Variants in CACNB3 observed in about 807,000 individuals in gnomAD.
CACNB3 encodes calcium voltage-gated channel auxiliary subunit beta 3.
A neutral mutation model predicts 63.7 loss-of-function variants in CACNB3; 36 were observed. The observed-to-expected ratio is 0.57, with a 90% CI of 0.43 to 0.75. CACNB3 has a LOEUF of 0.75. CACNB3 is among the 30% of genes least tolerant of loss of function. The probability of loss-of-function intolerance (pLI) is 0.00; values close to 1 mark genes in which losing one functional copy is unlikely to be tolerated. For missense variants in CACNB3, 493 were observed against 648.6 expected (o/e 0.76, Z 2.61); for synonymous variants, 241 against 250.6 (o/e 0.96, Z 0.36).
At chr12:48,827,534 G>A (rs1938212839) in intron 12 of CACNB3, 51 bp from the exon 13 acceptor site, 1 of 1,498,762 alleles carries the variant, frequency 6.7e-7, no homozygotes, top group Non-Finnish European at 9.2e-7. Flanking sequence ...CTCACCAGAA[G>A]ACAAGGTGAG....
At chr12:48,816,182 C>G (rs1293184178), upstream of CACNB3, among the ~76,000 whole-genome samples, 2 of 152,204 alleles carry the variant, frequency 1.3e-5, no homozygotes, top group African/African-American at 4.8e-5. Flanking sequence ...GGGATCTGCC[C>G]AGCTTCCTGG....
Position 48,826,287 on chromosome 12 carries a change from C to A in CACNB3, c.743-80C>A. ...TTTCCTCCAATTCCTTCCTGTCCAC[C>A]ATTCGGGAGCCCTCAAAGCCTGCTG... On this transcript the variant is annotated intron_variant, in intron 9 of 12. Coordinates refer to ENST00000301050, the MANE Select transcript of CACNB3 (RefSeq NM_000725.4). The surrounding 1 kb of genome is among the most constrained non-coding windows in gnomAD (Gnocchi z 4.8). 1 of 1,432,714 alleles carries A rather than the reference C, an allele frequency of 7.0e-7. No homozygotes were observed. Among genetic ancestry groups the A allele is most frequent in the South Asian group, 1.2e-5 (1 of 85,476 alleles). 88.8% of individuals were successfully genotyped at this position (1,432,714 alleles called of 1,614,324 possible).
rs1937966305 is a variant in CACNB3 at position 48,823,541 on chromosome 12, G to T, written c.168+75G>T. On this transcript the variant is annotated intron_variant, in intron 2 of 12. Coordinates refer to ENST00000301050, the MANE Select transcript of CACNB3 (RefSeq NM_000725.4). This position sits in a 1 kb window ranked among gnomAD's most constrained non-coding sequence, Gnocchi z 4.2. ...CCTGCACTCGGTCCTAAGTCCCAAG[G>T]GGTCCTTGGGCAGGATGTCCTTGAG... 3.1e-6 allele frequency: 5 copies of T among 1,597,052 alleles called. No homozygotes were observed. The highest frequency in any genetic ancestry group is 1.7e-5 in the Admixed American group (1 of 58,728).
chr12:48,825,637 G>A lies in CACNB3; in HGVS notation c.633-23G>A. 6.2e-7 allele frequency: 1 copy of A among 1,600,462 alleles called. No individual in the cohort carries two copies. The highest frequency in any genetic ancestry group is 8.6e-7 in the Non-Finnish European group (1 of 1,167,586). ...TGAGGCACAGGTTTAGAAGCAAGCTGTGATTCTCCACTCCCACCCCAGGAT... is the reference window on the plus strand; with the variant it reads ...TGAGGCACAGGTTTAGAAGCAAGCTATGATTCTCCACTCCCACCCCAGGAT... On this transcript the variant is annotated intron_variant, in intron 8 of 12. Coordinates refer to ENST00000301050, the MANE Select transcript of CACNB3 (RefSeq NM_000725.4). The surrounding 1 kb of genome is among the most constrained non-coding windows in gnomAD (Gnocchi z 4.5).
upstream of CACNB3, chr12:48,814,802 G>T: frequency 5.1e-6 from 2 of 394,942 alleles, no homozygotes; most frequent in Non-Finnish European, 8.9e-6. This position sits in a 1 kb window ranked among gnomAD's most constrained non-coding sequence, Gnocchi z 6.9. Flanking sequence ...CCCCGGGACC[G>T]GACACCAGGC....
chr12:48,815,481 G>A, upstream of CACNB3: 1 of 1,283,258 alleles, frequency 7.8e-7, no homozygotes, highest in Non-Finnish European at 1.0e-6. Flanking sequence ...GAGGCGGCGA[G>A]AAAGGAAGGG....
intron 3 of CACNB3, 154 bp from the exon 4 acceptor site, chr12:48,824,104 C>CTGTCCTTTCCCCTGGCCCCT: frequency 1.4e-6 from 1 of 730,182 alleles, no homozygotes; most frequent in Non-Finnish European, 2.2e-6. Flanking sequence ...CCGAACTTGG[C>CTGTCCTTTCCCCTGGCCCCT]TGTCCTTTCC....
chr12:48,823,213 T>G lies in CACNB3; in HGVS notation c.46-131T>G. The G allele has an allele frequency of 8.4e-7, 1 of 1,192,248 alleles. No individual in the cohort carries two copies. The highest frequency in any genetic ancestry group is 1.2e-6 in the Non-Finnish European group (1 of 848,742). The allele number at this position is 1,192,248 out of a possible 1,614,324, so 73.9% of individuals were successfully genotyped here. ...CCTTCTCAGGGGATAGGAGGGGCCA[T>G]AGGGACCCAGCTATCCCCTTGGAGA... On this transcript the variant is annotated intron_variant, in intron 1 of 12. Transcript: ENST00000301050. This position sits in a 1 kb window ranked among gnomAD's most constrained non-coding sequence, Gnocchi z 4.2.
intron 12 of CACNB3, 25 bp from the exon 13 acceptor site, chr12:48,827,560 C>T: frequency 3.1e-6 from 5 of 1,603,592 alleles, no homozygotes; most frequent in Non-Finnish European, 4.3e-6. Flanking sequence ...TACTGCCTCA[C>T]TGAGAGCTGT....
chr12:48,815,797 C>A, upstream of CACNB3: 4 of 1,049,148 alleles, frequency 3.8e-6, no homozygotes, highest in Non-Finnish European at 4.3e-6. Flanking sequence ...AGCTCCGCTC[C>A]AAGCTAGGAA....
Position 48,828,925 on chromosome 12 carries a change from A to C in CACNB3, c.*1026A>C. The C allele has an allele frequency of 2.7e-6, 1 of 366,852 alleles. No individual in the cohort carries two copies. The highest frequency in any genetic ancestry group is 2.1e-5 in the African/African-American group (1 of 47,162). The allele number at this position is 366,852 out of a possible 1,614,324, so 22.7% of individuals were successfully genotyped here. On this transcript the variant is annotated 3_prime_UTR_variant, in exon 13 of 13. Transcript: ENST00000301050. ...GCCTCACCTCACTGTCATCACTAAT[A>C]AACATCATGCACAGTCCCTCCGGCT... is the stretch of plus-strand genomic sequence containing the variant.
rs961853594 is a variant in CACNB3 at position 48,818,773 on chromosome 12, C to T, written c.-157C>T. 6 of 1,345,964 alleles carry T rather than the reference C, an allele frequency of 4.5e-6. No homozygotes were observed. In the South Asian group the frequency reaches 9.4e-5, roughly 21 times the overall value. The allele number at this position is 1,345,964 out of a possible 1,614,324, so 83.4% of individuals were successfully genotyped here. A position where few individuals can be genotyped will look rare whatever the true frequency, so the allele number is the denominator to read the frequency against. On this transcript the variant is annotated 5_prime_UTR_variant, in exon 1 of 13. Coordinates refer to ENST00000301050, the MANE Select transcript of CACNB3 (RefSeq NM_000725.4). The surrounding 1 kb of genome is among the most constrained non-coding windows in gnomAD (Gnocchi z 4.3). The stretch of plus-strand genomic sequence containing the variant: ...CTGAGCTCCGAGCAGCTGGTCTTCG[C>T]GGCTCGCTCCCTCCTTCGCGCTCTC...
chr12:48,823,886 C>T lies in CACNB3; in HGVS notation c.291+83C>T, dbSNP rs1362472771. ...GATCCTAATGCTTCTGACTTGAATC[C>T]TCAGTCTAATTCCCCAAGCTAATCA... is the stretch of plus-strand genomic sequence containing the variant. On this transcript the variant is annotated intron_variant, in intron 3 of 12. Coordinates refer to ENST00000301050, the MANE Select transcript of CACNB3 (RefSeq NM_000725.4). This position sits in a 1 kb window ranked among gnomAD's most constrained non-coding sequence, Gnocchi z 4.2. 6.4e-7 allele frequency: 1 copy of T among 1,564,264 alleles called. No homozygotes were observed. The highest frequency in any genetic ancestry group is 1.7e-5 in the Admixed American group (1 of 57,906).
chr12:48,827,062 C>G lies in CACNB3; in HGVS notation c.1079C>G (p.Thr360Arg). 1 of 1,613,490 alleles carries G rather than the reference C, an allele frequency of 6.2e-7. No individual in the cohort carries two copies. Among genetic ancestry groups the G allele is most frequent in the Non-Finnish European group, 8.5e-7 (1 of 1,180,012 alleles). The change falls in exon 12 of 13, where the codon ACG becomes AGG. Residue 360 changes from threonine to arginine, a missense_variant. Thr to Arg is a moderately conservative substitution (Grantham distance 71). Transcript: ENST00000301050. ...TACCTGGAGGTTTACTGGCGGGCCA[C>G]GCACCACCCAGCCCCTGGCCCCGGA... ...AEYLEVYWRA[T>R]HHPAPGPGLL...
rs755620541 is a variant in CACNB3, at chr12:48,819,009, T to G, written c.45+35T>G. 30 of 1,589,420 alleles carry G rather than the reference T, an allele frequency of 1.9e-5. No individual in the cohort carries two copies. In the South Asian group the frequency reaches 2.6e-4, roughly 14 times the overall value. The stretch of plus-strand genomic sequence containing the variant: ...CACGATGAGGGTGGGGGCGGGGAAG[T>G]TGGGGTGACACCTCCTCTCCCTTCA... On this transcript the variant is annotated intron_variant, in intron 1 of 12. Coordinates refer to ENST00000301050, the MANE Select transcript of CACNB3 (RefSeq NM_000725.4).
rs919018777 is a variant in CACNB3, at chr12:48,826,070, C to T, written c.743-297C>T. Among the ~76,000 whole-genome samples the T allele has an allele frequency of 2.0e-5, 3 of 152,264 alleles. No homozygotes were observed. The highest frequency in any genetic ancestry group is 6.5e-5 in the Admixed American group (1 of 15,290). On this transcript the variant is annotated intron_variant, in intron 9 of 12. Transcript: ENST00000301050. The surrounding 1 kb of genome is among the most constrained non-coding windows in gnomAD (Gnocchi z 4.8). ...TCTCGAACTCCTGACCTCAAGTGAT[C>T]GGCCCACCTTGGCCTCTCAAAATGC...
chr12:48,822,694 G>A (rs1592186903), intron 1 of CACNB3, among the ~76,000 whole-genome samples: 2 of 152,204 alleles, frequency 1.3e-5, no homozygotes, highest in East Asian at 1.9e-4. Context: ...AAAGTAGGGG[G>A]TGGGGAGAGC....
rs749182313 is a variant in CACNB3 at position 48,827,150 on chromosome 12, C to T, written c.1140+27C>T. 4 of 1,609,708 alleles carry T rather than the reference C, an allele frequency of 2.5e-6. No individual in the cohort carries two copies. In the Admixed American group the frequency reaches 5.0e-5, roughly 20 times the overall value. On this transcript the variant is annotated intron_variant, in intron 12 of 12. Coordinates refer to ENST00000301050, the MANE Select transcript of CACNB3 (RefSeq NM_000725.4). ...TAACCATTTCCAGTGGGCAGAGATG[C>T]TCAAGCTAAGCCAGCCAAGGCACTG...
chr12:48,825,236 G>T lies in CACNB3; in HGVS notation c.566G>T (p.Gly189Val). Residue 189 changes from glycine to valine, a missense_variant, in exon 7 of 13, where the codon GGT (glycine) becomes GTT (valine). Gly to Val is a moderately radical substitution (Grantham distance 109). Transcript: ENST00000301050. This position sits in a 1 kb window ranked among gnomAD's most constrained non-coding sequence, Gnocchi z 4.5. ...PVVLVGPSLK[G>V]YEVTDMMQKA... ...GTGCTGGTGGGACCCTCTCTGAAAG[G>T]TTATGAGGTGAGAGGAGGTCCTTGA... 3.1e-6 allele frequency: 5 copies of T among 1,613,976 alleles called. No individual in the cohort carries two copies. The highest frequency in any genetic ancestry group is 4.2e-6 in the Non-Finnish European group (5 of 1,179,926).
Sources: allele counts gnomAD v4.1 joint callset (sites outside exome capture counted in the v4.1 genomes callset), GRCh38; gene constraint gnomAD v4.1.1; non-coding constraint Gnocchi (gnomAD v3.1); transcripts MANE v1.5; gene names NCBI Gene and HGNC (gene_info 2026-07-23, HGNC 2026-07-21).